BRD4: variants seen among roughly 807,000 people sequenced by gnomAD.
BRD4 encodes the protein bromodomain containing 4.
A neutral mutation model predicts 142.1 loss-of-function variants in BRD4; 16 were observed. That is an observed-to-expected ratio of 0.11 (90% confidence interval 0.08 to 0.17). The LOEUF (loss-of-function observed/expected upper bound fraction) is 0.17, where lower values mean the gene tolerates loss of function less well. BRD4 is among the 10% of genes least tolerant of loss of function. BRD4 has a pLI of 1.00. For missense variants in BRD4, 1,424 were observed against 1,810.9 expected (o/e 0.79, Z 3.88); for synonymous variants, 833 against 707.5 (o/e 1.18, Z -2.82).
intron 2 of BRD4, among the ~76,000 whole-genome samples, chr19:15,271,683 G>T (rs945751174): frequency 6.6e-6 from 1 of 152,182 alleles, no homozygotes; most frequent in African/African-American, 2.4e-5. Context: ...CAACACAGCT[G>T]ACTGCCTCCA....
intron 2 of BRD4, 38 bp from the exon 3 acceptor site, chr19:15,269,080 C>T (rs199982333): frequency 4.3e-6 from 7 of 1,610,360 alleles, no homozygotes; most frequent in Admixed American, 3.4e-5. Flanking sequence ...GTCACCTAGG[C>T]AGCCAGGCAG....
Position 15,267,475 on chromosome 19 carries a change from T to C in BRD4, c.500A>G (p.Glu167Gly). The C allele has an allele frequency of 1.9e-6, 3 of 1,614,204 alleles. No homozygotes were observed. Among genetic ancestry groups the C allele is most frequent in the Non-Finnish European group, 2.5e-6 (3 of 1,180,040 alleles). Reference protein sequence around the residue: ...FLQKINELPTEETEIMIVQAK... With the variant: ...FLQKINELPTGETEIMIVQAK... ...CTGGACTATCATGATCTCGGTTTCT[T>C]CTGTGGGTAGCTCATTTATTTTTTG... Residue 167 changes from glutamate to glycine, a missense_variant, in exon 4 of 20, where the codon GAA becomes GGA. Physicochemically the swap from Glu to Gly is moderately conservative, Grantham distance 98. This residue lies in a region of BRD4 where 55 missense variants were observed against 160.7 expected (regional missense o/e 0.34). Coordinates refer to ENST00000679869, the MANE Select transcript of BRD4 (RefSeq NM_001379291.1).
intron 11 of BRD4, among the ~76,000 whole-genome samples, chr19:15,250,140 G>A (rs1201322021): frequency 6.6e-6 from 1 of 152,146 alleles, no homozygotes; most frequent in Non-Finnish European, 1.5e-5. Flanking sequence ...CCCGCCCACT[G>A]GCGGCCTCTC....
chr19:15,278,802 T>C (rs992894666), intron 1 of BRD4, among the ~76,000 whole-genome samples: 2 of 151,980 alleles, frequency 1.3e-5, no homozygotes, highest in African/African-American at 4.8e-5. Flanking sequence ...AAAATGTAAA[T>C]TTTCCCTCTA....
rs1373343624 is a variant in BRD4, at chr19:15,242,930, G to A, written c.3139C>T (p.Arg1047Trp). The A allele has an allele frequency of 3.1e-6, 5 of 1,608,214 alleles. No individual in the cohort carries two copies. The highest frequency in any genetic ancestry group is 4.2e-6 in the Non-Finnish European group (5 of 1,178,318). The stretch of plus-strand genomic sequence containing the variant: ...GAGTAGGGGTCCGACTTGTGGTGCC[G>A]GGGTGAATGGTGGTGCTGGATGACT... ...QQVIQHHHSPRHHKSDPYSTG... is the reference protein window; with the variant it reads ...QQVIQHHHSPWHHKSDPYSTG... Residue 1047 changes from arginine to tryptophan, a missense_variant, in exon 14 of 20, where the codon CGG becomes TGG. This residue lies in a region of BRD4 where 598 missense variants were observed against 647.8 expected (regional missense o/e 0.92). Coordinates refer to ENST00000679869, the MANE Select transcript of BRD4 (RefSeq NM_001379291.1).
intron 11 of BRD4, among the ~76,000 whole-genome samples, chr19:15,252,381 G>A (rs1205534212): frequency 6.6e-6 from 1 of 152,232 alleles, no homozygotes; most frequent in Non-Finnish European, 1.5e-5. Context: ...ATCCTCAGAT[G>A]AGAAGACTAC....
intron 7 of BRD4, 74 bp from the exon 8 acceptor site, chr19:15,257,247 G>T: frequency 7.2e-7 from 1 of 1,383,114 alleles, no homozygotes; most frequent in Non-Finnish European, 9.8e-7. Flanking sequence ...GCCCTCATTG[G>T]CTGCTGGGGC....
chr19:15,285,268 C>T (rs757419430), intron 1 of BRD4, among the ~76,000 whole-genome samples: 1 of 152,242 alleles, frequency 6.6e-6, no homozygotes, highest in Non-Finnish European at 1.5e-5. Context: ...CTATCACACT[C>T]GTATGGAACC....
chr19:15,291,786 T>C (rs188446828), intron 1 of BRD4, among the ~76,000 whole-genome samples: 40 of 152,330 alleles, frequency 2.6e-4, no homozygotes, highest in Admixed American at 7.2e-4. Flanking sequence ...TGAGAATTAA[T>C]GTACATATGT....
chr19:15,328,710 AC>A (rs2048131044), intron 1 of BRD4, among the ~76,000 whole-genome samples: 2 of 152,212 alleles, frequency 1.3e-5, no homozygotes, highest in African/African-American at 4.8e-5. Flanking sequence ...GGCACAAGAT[AC>A]AACAGAATAA....
intron 1 of BRD4, among the ~76,000 whole-genome samples, chr19:15,300,401 T>C (rs1031133401): frequency 1.3e-5 from 2 of 148,722 alleles, no homozygotes; most frequent in Non-Finnish European, 3.0e-5. Context: ...AAAAAAAAAA[T>C]ACAAAAAGCC....
At chr19:15,313,852 C>T (rs1193407088) in intron 1 of BRD4, among the ~76,000 whole-genome samples, 1 of 152,168 alleles carries the variant, frequency 6.6e-6, no homozygotes, top group Non-Finnish European at 1.5e-5. Flanking sequence ...TTGCTTACCG[C>T]TGACCTCCAG....
At position 15,238,612 on chromosome 19, in the gene BRD4, A is replaced by G; in HGVS notation, c.4020+131T>C. The G allele has an allele frequency of 2.7e-6, 4 of 1,467,142 alleles. No individual in the cohort carries two copies. Among genetic ancestry groups the G allele is most frequent in the Non-Finnish European group, 3.6e-6 (4 of 1,106,280 alleles). 90.9% of individuals were successfully genotyped at this position (1,467,142 alleles called of 1,614,324 possible). The stretch of plus-strand genomic sequence containing the variant: ...CTCAGGGCCCTACAGCTGAGTCCAG[A>G]GGACCACATGCCGACCAGCAGGGAC... On this transcript the variant is annotated intron_variant, in intron 19 of 19. Transcript: ENST00000679869. This position sits in a 1 kb window ranked among gnomAD's most constrained non-coding sequence, Gnocchi z 7.2.
At chr19:15,269,264 A>G (rs531452818) in intron 2 of BRD4, among the ~76,000 whole-genome samples, 1 of 152,334 alleles carries the variant, frequency 6.6e-6, no homozygotes, top group South Asian at 2.1e-4. Context: ...TTCAGAGGGA[A>G]ACGTACAAGT....
rs1241220728 is a variant in BRD4, at chr19:15,318,277, C to T, written c.-35+14013G>A. ...GGCACATACAAGTTTAATCTTCAAA[C>T]TATAGAGATTGGGGCGGGGGGGTGA... is the stretch of plus-strand genomic sequence containing the variant. On this transcript the variant is annotated intron_variant, in intron 1 of 19. Transcript: ENST00000679869. 2.0e-5 allele frequency among the ~76,000 whole-genome samples: 3 copies of T among 151,948 alleles called. No homozygotes were observed. The East Asian group carries it at 5.8e-4, about 29-fold the overall frequency.
At chr19:15,272,752 CCAGGAGACATG>C (rs2145623905) in intron 2 of BRD4, 52 bp downstream of exon 2, 8 of 1,511,190 alleles carry the variant, frequency 5.3e-6, no homozygotes, top group South Asian at 1.2e-5. Context: ...ACTGCCCTGA[CCAGGAGACATG>C]CAGGAGACGA....
At chr19:15,309,483 G>A (rs1292929116) in intron 1 of BRD4, among the ~76,000 whole-genome samples, 1 of 152,144 alleles carries the variant, frequency 6.6e-6, no homozygotes, top group East Asian at 1.9e-4. Context: ...GTAAAATGGG[G>A]CAGCCACTGT....
chr19:15,298,650 A>C (rs2047843545), intron 1 of BRD4, among the ~76,000 whole-genome samples: 1 of 140,286 alleles, frequency 7.1e-6, no homozygotes, highest in Non-Finnish European at 1.6e-5. Flanking sequence ...AAAAAAAAAA[A>C]AAAAAAAAAA....
intron 1 of BRD4, among the ~76,000 whole-genome samples, chr19:15,322,421 CAAAG>C (rs1232107765): frequency 4.6e-5 from 7 of 152,060 alleles, no homozygotes; most frequent in Admixed American, 2.0e-4. Context: ...TTTAAAAACA[CAAAG>C]AAAGCCAGGC....
Sources: allele counts gnomAD v4.1 joint callset (sites outside exome capture counted in the v4.1 genomes callset), GRCh38; gene constraint gnomAD v4.1.1; regional missense constraint gnomAD v4.1.1; non-coding constraint Gnocchi (gnomAD v3.1); transcripts MANE v1.5; gene names NCBI Gene and HGNC (gene_info 2026-07-23, HGNC 2026-07-21).